Variants in CNTNAP4 observed in about 807,000 individuals in gnomAD.
CNTNAP4 encodes the protein contactin associated protein family member 4, also known as contactin-associated protein-like 4.
A neutral mutation model predicts 148.4 loss-of-function variants in CNTNAP4; 98 were observed. That is an observed-to-expected ratio of 0.66 (90% CI 0.56 to 0.78). The LOEUF (loss-of-function observed/expected upper bound fraction) is 0.78, where lower values mean the gene tolerates loss of function less well. Ranked by LOEUF, CNTNAP4 falls within the 30% of genes least tolerant of loss-of-function variation. The probability of loss-of-function intolerance (pLI) is 0.00; values close to 1 mark genes in which losing one functional copy is unlikely to be tolerated. For missense variants in CNTNAP4, 1,935 were observed against 1,565.6 expected (o/e 1.24, Z -3.98); for synonymous variants, 730 against 565.1 (o/e 1.29, Z -4.14).
intron 2 of CNTNAP4, among the ~76,000 whole-genome samples, chr16:76,342,303 G>A (rs1964528734): frequency 6.6e-6 from 1 of 151,860 alleles, no homozygotes; most frequent in African/African-American, 2.4e-5. Flanking sequence ...ATTTCACAAA[G>A]GGCAATTATA....
chr16:76,294,991 G>A (rs1415094778), intron 1 of CNTNAP4, among the ~76,000 whole-genome samples: 1 of 152,144 alleles, frequency 6.6e-6, no homozygotes, highest in Non-Finnish European at 1.5e-5. Flanking sequence ...AGGGGGGCCG[G>A]TGTTCTTACA....
At position 76,479,479 on chromosome 16, in the gene CNTNAP4, A is replaced by G. The variant is rs761665720; in HGVS notation, c.1823A>G (p.Tyr608Cys). ...KHRGNTSGFY[Y>C]IDSDGSGPLE... ...AGAGGAAATACTTCAGGGTTTTACT[A>G]TATAGATTCAGATGGAAGTGGTCCC... Residue 608 changes from tyrosine (Y) to cysteine (C), a missense_variant, in exon 12 of 24, where the codon TAT becomes TGT. Coordinates refer to ENST00000611870, the MANE Select transcript of CNTNAP4 (RefSeq NM_033401.5). 1.1e-5 allele frequency: 18 copies of G among 1,611,146 alleles called. No homozygotes were observed. The highest frequency in any genetic ancestry group is 1.4e-5 in the Non-Finnish European group (16 of 1,178,698).
chr16:76,496,185 C>A (rs1472222981), intron 14 of CNTNAP4, among the ~76,000 whole-genome samples: 2 of 151,598 alleles, frequency 1.3e-5, no homozygotes, highest in South Asian at 4.2e-4. Flanking sequence ...CTTACTTAAA[C>A]TCTCATTTTT....
chr16:76,466,300 G>C (rs2081174610), intron 9 of CNTNAP4, among the ~76,000 whole-genome samples: 2 of 152,060 alleles, frequency 1.3e-5, no homozygotes, highest in Admixed American at 1.3e-4. Context: ...GATTGTTAAT[G>C]GGTACAAAAT....
chr16:76,409,340 A>C (rs1310907775), intron 3 of CNTNAP4, among the ~76,000 whole-genome samples: 1 of 151,994 alleles, frequency 6.6e-6, no homozygotes, highest in Non-Finnish European at 1.5e-5. Context: ...AGTTTAAAGT[A>C]CGTATACAGC....
In CNTNAP4 at chr16:76,522,610, T is replaced by TTTCCTTCCTTCCTTCCTTCC. The variant is rs764499941; in HGVS notation, c.2755+361_2755+380dup. Among the ~76,000 whole-genome samples the TTTCCTTCCTTCCTTCCTTCC allele has an allele frequency of 4.3e-3, 258 of 59,648 alleles. 23 individuals carry two copies. The highest frequency in any genetic ancestry group is 0.012 in the South Asian group (24 of 2,036). 39.1% of individuals were successfully genotyped at this position (59,648 alleles called of 152,430 possible). A position where few individuals can be genotyped will look rare whatever the true frequency, so the allele number is the denominator to read the frequency against. ...TCTCTCTCTCTCTTTCTTTTCTTTA[T>TTTCCTTCCTTCCTTCCTTCC]TTCCTTCCTTCCTTCCTTCCTTCCT... On this transcript the variant is annotated intron_variant, in intron 17 of 23. Coordinates refer to ENST00000611870, the MANE Select transcript of CNTNAP4 (RefSeq NM_033401.5).
intron 8 of CNTNAP4, among the ~76,000 whole-genome samples, chr16:76,454,046 T>A (rs1342244705): frequency 6.6e-6 from 1 of 152,068 alleles, no homozygotes; most frequent in African/African-American, 2.4e-5. Context: ...ATTTTCAGCA[T>A]CTTAAAGAAA....
chr16:76,460,773 A>AAAAAAAAAAAAAATAT, intron 8 of CNTNAP4, among the ~76,000 whole-genome samples: 1 of 57,326 alleles, frequency 1.7e-5, no homozygotes, highest in African/African-American at 6.4e-5. Flanking sequence ...AAAAAAAAAA[A>AAAAAAAAAAAAAATAT]ATATATATAT....
intron 3 of CNTNAP4, among the ~76,000 whole-genome samples, chr16:76,410,945 T>A (rs1434099589): frequency 6.6e-6 from 1 of 151,510 alleles, no homozygotes; most frequent in Non-Finnish European, 1.5e-5. Context: ...AAGATCTACA[T>A]AAAGATACAG....
intron 3 of CNTNAP4, among the ~76,000 whole-genome samples, chr16:76,414,357 A>T (rs764348265): frequency 1.5e-4 from 22 of 151,444 alleles, no homozygotes; most frequent in Non-Finnish European, 2.8e-4. Flanking sequence ...CAATTCTTGC[A>T]TTCCTGGAAT....
chr16:76,522,572 G>A lies in CNTNAP4; in HGVS notation c.2755+315G>A, dbSNP rs140874303. Among the ~76,000 whole-genome samples the A allele has an allele frequency of 3.1e-4, 44 of 142,666 alleles. No homozygotes were observed. In the East Asian group the frequency reaches 8.8e-3, roughly 28 times the overall value. The allele number at this position is 142,666 out of a possible 152,430, so 93.6% of individuals were successfully genotyped here. A position where few individuals can be genotyped will look rare whatever the true frequency, so the allele number is the denominator to read the frequency against. ...TTGCCTGCCTGCCTGCCTGCCTGCC[G>A]CCCTCCTTTCTTTCTCTCTCTCTCT... On this transcript the variant is annotated intron_variant, in intron 17 of 23. Transcript: ENST00000611870.
At chr16:76,517,018 G>A (rs2083278633) in intron 15 of CNTNAP4, among the ~76,000 whole-genome samples, 1 of 152,154 alleles carries the variant, frequency 6.6e-6, no homozygotes, top group Non-Finnish European at 1.5e-5. Flanking sequence ...GGCCAATATT[G>A]CACCATTGCT....
In CNTNAP4 at chr16:76,506,022, A is replaced by C. The variant is rs2082823992; in HGVS notation, c.2365+7328A>C. On this transcript the variant is annotated intron_variant, in intron 15 of 23. Transcript: ENST00000611870. The stretch of plus-strand genomic sequence containing the variant: ...CTCCAATTCTCCAGCACATTTCTGG[A>C]ATCGTGCTGAATATGTTTCTAACTT... Among the ~76,000 whole-genome samples the C allele has an allele frequency of 2.0e-5, 2 of 98,062 alleles. 1 individual carries two copies. Among genetic ancestry groups the C allele is most frequent in the Non-Finnish European group, 5.8e-5 (2 of 34,452 alleles). The allele number at this position is 98,062 out of a possible 152,430, so 64.3% of individuals were successfully genotyped here.
At chr16:76,361,448 A>G (rs1253384946) in intron 3 of CNTNAP4, among the ~76,000 whole-genome samples, 1 of 152,164 alleles carries the variant, frequency 6.6e-6, no homozygotes, top group Non-Finnish European at 1.5e-5. Context: ...TTATGTCGTC[A>G]AAGTTTGTTT....
intron 14 of CNTNAP4, among the ~76,000 whole-genome samples, chr16:76,497,032 C>T (rs115178791): frequency 0.011 from 1,695 of 152,206 alleles, 26 homozygotes; most frequent in African/African-American, 0.039. Flanking sequence ...TCTGAAATAA[C>T]AAATTCTAAT....
At chr16:76,476,408 A>G (rs568703235) in intron 11 of CNTNAP4, among the ~76,000 whole-genome samples, 74 of 152,302 alleles carry the variant, frequency 4.9e-4, no homozygotes, top group Middle Eastern at 3.4e-3. Context: ...CTTACTATTC[A>G]TACAATTAAA....
intron 3 of CNTNAP4, among the ~76,000 whole-genome samples, chr16:76,380,493 T>A (rs1375643664): frequency 6.6e-6 from 1 of 152,220 alleles, no homozygotes; most frequent in Non-Finnish European, 1.5e-5. Context: ...TAGAGCATTT[T>A]TGTATTCTCT....
intron 17 of CNTNAP4, among the ~76,000 whole-genome samples, chr16:76,528,000 CCTT>C (rs1277517149): frequency 6.6e-6 from 1 of 152,008 alleles, no homozygotes; most frequent in East Asian, 1.9e-4. Flanking sequence ...TAAAAATGTA[CCTT>C]CTTCTTGGTA....
In CNTNAP4 at chr16:76,551,427, G is replaced by C. The variant is rs914224575; in HGVS notation, c.3443-1856G>C. Among the ~76,000 whole-genome samples, 5 of 150,330 alleles carry C rather than the reference G, an allele frequency of 3.3e-5. No individual in the cohort carries two copies. The East Asian group carries it at 9.7e-4, about 29-fold the overall frequency. On this transcript the variant is annotated intron_variant, in intron 21 of 23. Transcript: ENST00000611870. ...AAAATATATATATATATATATTAGA[G>C]CTCAGATGCCCAGGGTTAGTTAAAG...
Sources: allele counts gnomAD v4.1 joint callset (sites outside exome capture counted in the v4.1 genomes callset), GRCh38; gene constraint gnomAD v4.1.1; transcripts MANE v1.5; gene names NCBI Gene and HGNC (gene_info 2026-07-23, HGNC 2026-07-21).